The following TNRC6A variants were observed in gnomAD, a reference collection of about 807,000 sequenced individuals.
TNRC6A encodes trinucleotide repeat-containing gene 6A protein.
TNRC6A carries 44 observed loss-of-function variants against 221.2 expected under a neutral mutation model. That is an observed-to-expected ratio of 0.20 (90% confidence interval 0.16 to 0.26). The LOEUF (loss-of-function observed/expected upper bound fraction) is 0.26. Among genes scored for constraint, TNRC6A ranks in the 10% least tolerant of loss-of-function variants. TNRC6A has a pLI of 1.00. For missense variants in TNRC6A, 2,199 were observed against 2,404.4 expected, an observed-to-expected ratio of 0.91 and a Z score of 1.79; for synonymous variants, 847 against 838.5, an observed-to-expected ratio of 1.01 and a Z score of -0.18.
intron 2 of TNRC6A, among the ~76,000 whole-genome samples, chr16:24,750,469 C>A (rs549947337): frequency 2.8e-4 from 42 of 152,190 alleles, no homozygotes; most frequent in African/African-American, 9.2e-4. Context: ...GTAAAATTTG[C>A]TAATTTTAGG....
At chr16:24,821,770 G>T in intron 22 of TNRC6A, 1 of 392,270 alleles carries the variant, frequency 2.5e-6, no homozygotes, top group Non-Finnish European at 4.7e-6. Context: ...TACCGTTTGA[G>T]ATTATTTTAG....
intron 5 of TNRC6A, among the ~76,000 whole-genome samples, chr16:24,787,753 CTG>C (rs1303663839): frequency 6.6e-6 from 1 of 152,168 alleles, no homozygotes; most frequent in East Asian, 1.9e-4. Flanking sequence ...CTTTTCCAGA[CTG>C]TTTCCAGATC....
intron 21 of TNRC6A, chr16:24,819,718 C>CCGTA: frequency 1.9e-5 from 4 of 213,452 alleles, no homozygotes; most frequent in South Asian, 7.4e-5. Flanking sequence ...CCTTTGGCAG[C>CCGTA]TCCTGAGTTG....
intron 3 of TNRC6A, among the ~76,000 whole-genome samples, chr16:24,752,851 A>G (rs2057167815): frequency 6.6e-6 from 1 of 152,180 alleles, no homozygotes; most frequent in Admixed American, 6.5e-5. Context: ...ATTAGCTGAT[A>G]AGTCAGAATG....
At chr16:24,695,164 T>C (rs2055832809) in intron 2 of TNRC6A, among the ~76,000 whole-genome samples, 1 of 152,074 alleles carries the variant, frequency 6.6e-6, no homozygotes, top group Non-Finnish European at 1.5e-5. Flanking sequence ...ATTTCTGTTT[T>C]CCTCCTCTTC....
intron 23 of TNRC6A, among the ~76,000 whole-genome samples, chr16:24,822,525 G>A (rs1293022477): frequency 2.0e-5 from 3 of 152,114 alleles, no homozygotes; most frequent in South Asian, 2.1e-4. Flanking sequence ...CCTGGCCTGC[G>A]CCCTCCTCTG....
chr16:24,677,438 C>T (rs2055442469), intron 2 of TNRC6A, among the ~76,000 whole-genome samples: 1 of 152,164 alleles, frequency 6.6e-6, no homozygotes, highest in South Asian at 2.1e-4. Flanking sequence ...CCTGGGATTA[C>T]AGACGTAAGC....
At chr16:24,769,500 C>T (rs1220391111) in intron 4 of TNRC6A, among the ~76,000 whole-genome samples, 1 of 149,252 alleles carries the variant, frequency 6.7e-6, no homozygotes, top group Non-Finnish European at 1.5e-5. Context: ...AAAAATAGAG[C>T]TCTTTACTAG....
chr16:24,763,720 C>T (rs1209593625), intron 4 of TNRC6A, among the ~76,000 whole-genome samples: 1 of 152,152 alleles, frequency 6.6e-6, no homozygotes, highest in African/African-American at 2.4e-5. Flanking sequence ...TAAGCATGAA[C>T]AAAACAACCC....
At chr16:24,675,589 G>C (rs1018789132) in intron 2 of TNRC6A, among the ~76,000 whole-genome samples, 30 of 150,376 alleles carry the variant, frequency 2.0e-4, no homozygotes, top group Admixed American at 6.0e-4. Flanking sequence ...GCTGAGACAG[G>C]AGAATTGCTT....
Position 24,777,221 on chromosome 16 carries a change from G to A in TNRC6A, c.452G>A (p.Arg151Lys), listed in dbSNP as rs780713756. 5 of 1,614,180 alleles carry A rather than the reference G, an allele frequency of 3.1e-6. No individual in the cohort carries two copies. The Admixed American group carries it at 6.7e-5, about 22-fold the overall frequency. ...CAGGAACACAAACAGCTTCTAAAGA[G>A]GGGTCAGCATTTTCCTGTTATAGCA... ...RHQEHKQLLK[R>K]GQHFPVIAAN... Residue 151 changes from arginine to lysine, a missense_variant, in exon 5 of 25, where the codon AGG becomes AAG. Physicochemically the swap from Arg to Lys is conservative, Grantham distance 26. Around this residue, in one of 8 missense-constraint regions of TNRC6A, gnomAD observed 1,405 missense variants for 1,400.2 expected, o/e 1.00. Coordinates refer to ENST00000395799, the MANE Select transcript of TNRC6A (RefSeq NM_014494.4).
At chr16:24,674,306 T>A (rs532967107) in intron 2 of TNRC6A, among the ~76,000 whole-genome samples, 20 of 152,168 alleles carry the variant, frequency 1.3e-4, no homozygotes, top group African/African-American at 4.8e-4. Flanking sequence ...TAAGTTTAAA[T>A]TCAATAGAGG....
intron 2 of TNRC6A, among the ~76,000 whole-genome samples, chr16:24,734,827 T>C (rs2151210263): frequency 6.6e-6 from 1 of 152,366 alleles, no homozygotes; most frequent in African/African-American, 2.4e-5. Flanking sequence ...TTGTTTAAAG[T>C]AGAAGTTAAC....
intron 2 of TNRC6A, among the ~76,000 whole-genome samples, chr16:24,722,669 A>G (rs2056430442): frequency 6.6e-6 from 1 of 152,006 alleles, no homozygotes; most frequent in Non-Finnish European, 1.5e-5. Context: ...CCTGACCCCA[A>G]ATGATCCACC....
Position 24,687,200 on chromosome 16 carries a change from G to C in TNRC6A, n.402+46191G>C, listed in dbSNP as rs568039291. On this transcript the variant is annotated intron_variant and non_coding_transcript_variant, in intron 2 of 2. Transcript: ENST00000566108. Reference sequence around the variant, plus strand: ...GGGATGGGCCCTACCAGAGGAGGCAGCATCTAGATAATTAGCTACTTATAT... The same window carrying C: ...GGGATGGGCCCTACCAGAGGAGGCACCATCTAGATAATTAGCTACTTATAT... Among the ~76,000 whole-genome samples the C allele has an allele frequency of 2.2e-4, 34 of 152,270 alleles. No individual in the cohort carries two copies. In the East Asian group the frequency reaches 6.4e-3, roughly 29 times the overall value.
At chr16:24,676,749 C>T (rs541189044) in intron 2 of TNRC6A, among the ~76,000 whole-genome samples, 5 of 152,152 alleles carry the variant, frequency 3.3e-5, no homozygotes, top group Non-Finnish European at 5.9e-5. Flanking sequence ...CTACTGCACC[C>T]GGCCAAGACT....
Position 24,784,956 on chromosome 16 carries a change from T to G in TNRC6A, c.590-4276T>G, listed in dbSNP as rs540044337. Among the ~76,000 whole-genome samples, 4 of 152,364 alleles carry G rather than the reference T, an allele frequency of 2.6e-5. No homozygotes were observed. The South Asian group carries it at 6.2e-4, about 24-fold the overall frequency. On this transcript the variant is annotated intron_variant, in intron 5 of 24. Transcript: ENST00000395799. Reference sequence around the variant, plus strand: ...TTTATGTATAAAAATACTTATTCACTGATAGCTTCATGATTTCGTCTTTTA... The same window carrying G: ...TTTATGTATAAAAATACTTATTCACGGATAGCTTCATGATTTCGTCTTTTA...
intron 1 of TNRC6A, 29 bp downstream of exon 1, chr16:24,729,875 C>T (rs2056579823): frequency 5.6e-6 from 7 of 1,259,338 alleles, no homozygotes; most frequent in Non-Finnish European, 7.0e-6. Flanking sequence ...TCCCTCCGGG[C>T]GGGAGGAGCC....
At chr16:24,806,168 G>A (rs1432604311) in intron 15 of TNRC6A, 38 bp from the exon 16 acceptor site, 1 of 1,611,196 alleles carries the variant, frequency 6.2e-7, no homozygotes, top group Admixed American at 1.7e-5. Flanking sequence ...CTTTGTAATG[G>A]TGTGATAGTA....
Sources: allele counts gnomAD v4.1 joint callset (sites outside exome capture counted in the v4.1 genomes callset), GRCh38; gene constraint gnomAD v4.1.1; regional missense constraint gnomAD v4.1.1; transcripts MANE v1.5; gene names NCBI Gene and HGNC (gene_info 2026-07-23, HGNC 2026-07-21).